Variants in BICD1 observed in about 807,000 individuals in gnomAD.
BICD1 encodes BICD cargo adaptor 1, also known as protein bicaudal D homolog 1.
Under a neutral mutation model 92.5 loss-of-function variants are expected in BICD1, and 35 were observed. The ratio of observed to expected loss-of-function variants is 0.38; its 90% confidence interval spans 0.29 to 0.50. BICD1 has a LOEUF of 0.50. Among genes scored for constraint, BICD1 ranks in the 20% least tolerant of loss-of-function variants. The pLI is 0.93. For missense variants in BICD1, 950 were observed against 1,189.8 expected (o/e 0.80, Z 2.97); for synonymous variants, 429 against 465.1 (o/e 0.92, Z 1.00).
chr12:32,208,981 C>A (rs1431643361), intron 1 of BICD1, among the ~76,000 whole-genome samples: 1 of 151,964 alleles, frequency 6.6e-6, no homozygotes, highest in African/African-American at 2.4e-5. Context: ...ATTACAAGCA[C>A]CTGCCATCAC....
At chr12:32,257,991 G>A (rs1239519907) in intron 2 of BICD1, among the ~76,000 whole-genome samples, 1 of 152,142 alleles carries the variant, frequency 6.6e-6, no homozygotes, top group Admixed American at 6.6e-5. Flanking sequence ...GAGCTACTAT[G>A]AACATCCTTG....
chr12:32,129,512 G>C (rs993075545), intron 1 of BICD1, among the ~76,000 whole-genome samples: 18 of 127,324 alleles, frequency 1.4e-4, no homozygotes, highest in African/African-American at 5.5e-4. Context: ...GCGACAGAGC[G>C]AGATTCCATC....
chr12:32,218,855 AATCCAGCAG>A (rs1447709798), intron 2 of BICD1, among the ~76,000 whole-genome samples: 21 of 152,290 alleles, frequency 1.4e-4, no homozygotes, highest in African/African-American at 5.1e-4. Flanking sequence ...TTTTGTTTTT[AATCCAGCAG>A]ATACATTTTA....
chr12:32,239,464 G>T (rs1449445212), intron 2 of BICD1, among the ~76,000 whole-genome samples: 3 of 149,596 alleles, frequency 2.0e-5, no homozygotes, highest in African/African-American at 7.3e-5. Context: ...TACTCGAGAG[G>T]CTGAGGCAGG....
In BICD1 at chr12:32,245,999, C is replaced by T. The variant is rs145556889; in HGVS notation, c.426+29540C>T. Among the ~76,000 whole-genome samples the T allele has an allele frequency of 4.1e-3, 457 of 110,710 alleles. 1 individual carries two copies. The Middle Eastern group carries it at 0.066, about 16-fold the overall frequency. 72.6% of individuals were successfully genotyped at this position (110,710 alleles called of 152,430 possible). A position where few individuals can be genotyped will look rare whatever the true frequency, so the allele number is the denominator to read the frequency against. On this transcript the variant is annotated intron_variant, in intron 2 of 9. Transcript: ENST00000652176. ...GAGCCGAGATCGTGTCACTGCACTA[C>T]AGCCTGGGTGATAGAATGATACTCT...
intron 1 of BICD1, among the ~76,000 whole-genome samples, chr12:32,215,810 C>G (rs893789742): frequency 6.6e-6 from 1 of 150,414 alleles, no homozygotes; most frequent in Non-Finnish European, 1.5e-5. Context: ...AAAAATTAGC[C>G]GGGCGTGTTG....
intron 1 of BICD1, among the ~76,000 whole-genome samples, chr12:32,203,446 A>G (rs1592468552): frequency 6.6e-6 from 1 of 152,168 alleles, no homozygotes; most frequent in South Asian, 2.1e-4. Flanking sequence ...TGGCAGGCAC[A>G]CCTGACAGCA....
At position 32,282,199 on chromosome 12, in the gene BICD1, CTTCTTTTTTT is replaced by C. The variant is rs1419846144; in HGVS notation, c.427-11792_427-11783del. Among the ~76,000 whole-genome samples, 529 of 69,002 alleles carry C rather than the reference CTTCTTTTTTT, an allele frequency of 7.7e-3. 22 individuals carry two copies. The highest frequency in any genetic ancestry group is 0.02 in the South Asian group (38 of 1,856). The allele number at this position is 69,002 out of a possible 152,430, so 45.3% of individuals were successfully genotyped here. On this transcript the variant is annotated intron_variant, in intron 2 of 9. Transcript: ENST00000652176. Reference sequence around the variant, plus strand: ...AAAGCAAGACCCAGCTTCAGGTCTTCTTCTTTTTTTTTTTTTTTTTTTTTTTTTTTTTTTT... The same window carrying C: ...AAAGCAAGACCCAGCTTCAGGTCTTCTTTTTTTTTTTTTTTTTTTTTTTTT...
At chr12:32,368,116 G>C (rs325436) in intron 9 of BICD1, 110,062 of 185,362 alleles carry the variant, frequency 0.59, 34,486 homozygotes, top group African/African-American at 0.81. Context: ...TATTTTCCTG[G>C]GGAATCTGAG....
intron 1 of BICD1, among the ~76,000 whole-genome samples, chr12:32,198,034 C>T (rs1323058847): frequency 1.3e-5 from 2 of 151,752 alleles, no homozygotes; most frequent in Non-Finnish European, 2.9e-5. Context: ...GGAGAAACCT[C>T]GTCTCTACTA....
rs1192201806 is a variant in BICD1 at position 32,313,270 on chromosome 12, G to A, written c.1005+7148G>A. Among the ~76,000 whole-genome samples the A allele has an allele frequency of 6.6e-6, 1 of 152,060 alleles. No homozygotes were observed. Among genetic ancestry groups the A allele is most frequent in the East Asian group, 1.9e-4 (1 of 5,196 alleles). On this transcript the variant is annotated intron_variant, in intron 4 of 9. Transcript: ENST00000652176. This position sits in a 1 kb window ranked among gnomAD's most constrained non-coding sequence, Gnocchi z 4.2. ...TATGTTTTGATCCACTCTATTAAAG[G>A]CAATTTTAGTTTTTTCTATAATGAT...
rs1000953667 is a variant in BICD1, at chr12:32,265,706, C to T, written c.427-28288C>T. 6.3e-4 allele frequency among the ~76,000 whole-genome samples: 85 copies of T among 135,336 alleles called. 2 individuals carry two copies. The highest frequency in any genetic ancestry group is 4.1e-3 in the South Asian group (17 of 4,100). 88.8% of individuals were successfully genotyped at this position (135,336 alleles called of 152,430 possible). On this transcript the variant is annotated intron_variant, in intron 2 of 9. Coordinates refer to ENST00000652176, the MANE Select transcript of BICD1 (RefSeq NM_001714.4). Reference sequence around the variant, plus strand: ...ACTGCATTCAGCCTAGGTGACACAGCGAGATCCTATTTAAAAAAAAAAAAA... The same window carrying T: ...ACTGCATTCAGCCTAGGTGACACAGTGAGATCCTATTTAAAAAAAAAAAAA...
intron 1 of BICD1, among the ~76,000 whole-genome samples, chr12:32,191,865 G>A (rs1944578228): frequency 1.3e-5 from 2 of 151,828 alleles, no homozygotes; most frequent in Admixed American, 6.6e-5. Context: ...CTACTGTTCT[G>A]ACTGGCCTTT....
intron 8 of BICD1, chr12:32,353,621 C>G (rs1218276520): frequency 1.3e-5 from 2 of 151,926 alleles, no homozygotes; most frequent in Non-Finnish European, 2.9e-5. Flanking sequence ...AGATCAAACA[C>G]ATTTCATTGA....
intron 5 of BICD1, among the ~76,000 whole-genome samples, chr12:32,330,584 T>TAA (rs1206658528): frequency 1.3e-5 from 2 of 150,110 alleles, no homozygotes; most frequent in East Asian, 3.9e-4. Context: ...AAAATATATA[T>TAA]ATATAAAATA....
At chr12:32,299,682 C>G (rs1947978736) in intron 3 of BICD1, among the ~76,000 whole-genome samples, 1 of 151,932 alleles carries the variant, frequency 6.6e-6, no homozygotes, top group South Asian at 2.1e-4. Flanking sequence ...ATAGTGAGAC[C>G]TCGTCTCTAC....
At chr12:32,318,626 A>C (rs183661510) in intron 4 of BICD1, among the ~76,000 whole-genome samples, 502 of 152,250 alleles carry the variant, frequency 3.3e-3, no homozygotes, top group African/African-American at 0.012. Flanking sequence ...AGGCCTAGGC[A>C]GGTGGATCAC....
intron 6 of BICD1, 22 bp downstream of exon 6, chr12:32,334,689 G>A: frequency 6.3e-7 from 1 of 1,599,184 alleles, no homozygotes; most frequent in Non-Finnish European, 8.5e-7. Context: ...TTCTTCCTAT[G>A]ACTGGGTGTG....
At chr12:32,370,151 A>G (rs4444169) in intron 9 of BICD1, among the ~76,000 whole-genome samples, 86,278 of 151,936 alleles carry the variant, frequency 0.57, 25,079 homozygotes, top group East Asian at 0.74. Flanking sequence ...GGTGGATCAC[A>G]AGGTCAAGAG....
Sources: allele counts gnomAD v4.1 joint callset (sites outside exome capture counted in the v4.1 genomes callset), GRCh38; gene constraint gnomAD v4.1.1; non-coding constraint Gnocchi (gnomAD v3.1); transcripts MANE v1.5; gene names NCBI Gene and HGNC (gene_info 2026-07-23, HGNC 2026-07-21).